Variants in ESRRG observed in about 807,000 individuals in gnomAD.
The protein encoded by ESRRG is estrogen-related receptor gamma.
Under a neutral mutation model 44.0 loss-of-function variants are expected in ESRRG, and 13 were observed. The ratio of observed to expected loss-of-function variants is 0.30; its 90% CI spans 0.19 to 0.47. ESRRG has a LOEUF of 0.47. ESRRG is among the 20% of genes least tolerant of loss of function. The probability of loss-of-function intolerance (pLI) is 1.00; values close to 1 mark genes in which losing one functional copy is unlikely to be tolerated. For missense variants in ESRRG, 395 were observed against 580.6 expected (o/e 0.68, Z 3.29); for synonymous variants, 215 against 214.6 (o/e 1.00, Z -0.02).
intron 5 of ESRRG, among the ~76,000 whole-genome samples, chr1:216,558,991 T>G (rs1004279862): frequency 2.0e-5 from 3 of 152,088 alleles, no homozygotes; most frequent in Admixed American, 2.0e-4. Flanking sequence ...TGCCTCAGCC[T>G]CCTGAGTAAC....
At chr1:216,699,494 G>T (rs1183119334) in intron 1 of ESRRG, among the ~76,000 whole-genome samples, 4 of 152,028 alleles carry the variant, frequency 2.6e-5, no homozygotes, top group African/African-American at 9.7e-5. Flanking sequence ...TGGAGGGCCA[G>T]AAAAAAATGG....
intron 1 of ESRRG, among the ~76,000 whole-genome samples, chr1:216,680,248 T>G (rs1156592323): frequency 6.6e-6 from 1 of 152,190 alleles, no homozygotes; most frequent in Non-Finnish European, 1.5e-5. Flanking sequence ...AAATATTACC[T>G]CATTGAATCC....
Position 216,594,431 on chromosome 1 carries a change from T to C in ESRRG, c.590-26333A>G, listed in dbSNP as rs2058142536. On this transcript the variant is annotated intron_variant, in intron 3 of 6. Transcript: ENST00000408911. ...AAAATGCCTGAGAATATCTATTTGCTCAGTATTGCCATCAGCCCTATTGCA... is the reference window on the plus strand; with the variant it reads ...AAAATGCCTGAGAATATCTATTTGCCCAGTATTGCCATCAGCCCTATTGCA... Among the ~76,000 whole-genome samples, 3 of 152,300 alleles carry C rather than the reference T, an allele frequency of 2.0e-5. No individual in the cohort carries two copies. The South Asian group carries it at 6.2e-4, about 32-fold the overall frequency.
At chr1:216,885,525 GA>G (rs2096502637) in intron 2 of ESRRG, among the ~76,000 whole-genome samples, 1 of 151,564 alleles carries the variant, frequency 6.6e-6, no homozygotes, top group African/African-American at 2.4e-5. Flanking sequence ...TTTTGCTTGG[GA>G]AAAGTCACCC....
chr1:216,822,539 C>T (rs2148634651), intron 2 of ESRRG, among the ~76,000 whole-genome samples: 1 of 152,234 alleles, frequency 6.6e-6, no homozygotes, highest in South Asian at 2.1e-4. Context: ...ATATGTTTCC[C>T]AGTCCTCCTC....
chr1:216,565,026 T>C (rs1176036711), intron 4 of ESRRG, among the ~76,000 whole-genome samples: 1 of 152,160 alleles, frequency 6.6e-6, no homozygotes, highest in African/African-American at 2.4e-5. Flanking sequence ...TCCATAAAAA[T>C]ACTCCTCCTT....
At chr1:216,604,693 G>A (rs2059692194) in intron 3 of ESRRG, among the ~76,000 whole-genome samples, 1 of 152,122 alleles carries the variant, frequency 6.6e-6, no homozygotes, top group African/African-American at 2.4e-5. Context: ...GAATGGGATT[G>A]GGTCACTTTC....
intron 2 of ESRRG, among the ~76,000 whole-genome samples, chr1:216,859,952 G>C (rs894927974): frequency 6.6e-6 from 1 of 152,078 alleles, no homozygotes; most frequent in East Asian, 1.9e-4. Context: ...AGACCCCAAA[G>C]TGACCCAGAT....
intron 1 of ESRRG, among the ~76,000 whole-genome samples, chr1:217,012,372 AC>A (rs2078751071): frequency 6.6e-6 from 1 of 152,166 alleles, no homozygotes; most frequent in African/African-American, 2.4e-5. Context: ...GATCACAGGG[AC>A]CCCAAACTCT....
At chr1:216,671,137 AC>A (rs2075092224) in intron 2 of ESRRG, among the ~76,000 whole-genome samples, 1 of 152,192 alleles carries the variant, frequency 6.6e-6, no homozygotes, top group Admixed American at 6.5e-5. Flanking sequence ...ATATGCTACT[AC>A]TTCAGTGCCT....
chr1:217,023,904 G>A (rs1218216530), intron 1 of ESRRG, among the ~76,000 whole-genome samples: 5 of 152,230 alleles, frequency 3.3e-5, no homozygotes, highest in Non-Finnish European at 7.3e-5. Flanking sequence ...GGCAATGCAT[G>A]AGCAGATGAG....
chr1:216,810,637 T>C (rs894186672), intron 2 of ESRRG, among the ~76,000 whole-genome samples: 1 of 147,946 alleles, frequency 6.8e-6, no homozygotes, highest in African/African-American at 2.5e-5. Context: ...ATATAGTTTA[T>C]ATATAAAATC....
In ESRRG at chr1:216,630,392, A is replaced by C. The variant is rs11572722; in HGVS notation, c.589+20581T>G. ...CCTGCTCATCAAACTCCATTTTGAC[A>C]ATTTTTAAAATTGTTAGTAAGACTA... On this transcript the variant is annotated intron_variant, in intron 3 of 6. Transcript: ENST00000408911. Among the ~76,000 whole-genome samples the C allele has an allele frequency of 4.0e-3, 606 of 151,898 alleles. 8 individuals are homozygous for C. Among genetic ancestry groups the C allele is most frequent in the African/African-American group, 0.014 (563 of 41,390 alleles).
At chr1:216,952,872 T>A (rs1432514425) in intron 1 of ESRRG, among the ~76,000 whole-genome samples, 4 of 152,100 alleles carry the variant, frequency 2.6e-5, no homozygotes, top group African/African-American at 9.7e-5. Flanking sequence ...GAGTCATCAA[T>A]TTTCTACAGA....
At position 216,677,625 on chromosome 1, in the gene ESRRG, A is replaced by G. The variant is rs2076333667; in HGVS notation, c.57-134T>C. On this transcript the variant is annotated intron_variant, in intron 1 of 6. Transcript: ENST00000408911. Reference sequence around the variant, plus strand: ...GGAAAGGTAAAAGGAGGAAAAAAACAGAATTCATATGTTAAAGACATTGCT... The same window carrying G: ...GGAAAGGTAAAAGGAGGAAAAAAACGGAATTCATATGTTAAAGACATTGCT... The G allele has an allele frequency of 4.0e-6, 3 of 757,956 alleles. No homozygotes were observed. In the East Asian group the frequency reaches 8.1e-5, roughly 20 times the overall value. 47.0% of individuals were successfully genotyped at this position (757,956 alleles called of 1,614,324 possible).
chr1:217,069,046 G>T (rs2090187789), intron 1 of ESRRG, among the ~76,000 whole-genome samples: 1 of 152,166 alleles, frequency 6.6e-6, no homozygotes, highest in South Asian at 2.1e-4. Context: ...ATTTATCCTG[G>T]GTGTGTCTAT....
intron 2 of ESRRG, among the ~76,000 whole-genome samples, chr1:216,902,206 C>T (rs1423719647): frequency 2.0e-5 from 3 of 152,120 alleles, no homozygotes; most frequent in African/African-American, 7.2e-5. Flanking sequence ...AAATGAGAAT[C>T]GGCTGGGTGC....
In ESRRG at chr1:216,766,160, G is replaced by T. The variant is rs143814022; in HGVS notation, c.-13-88669C>A. On this transcript the variant is annotated intron_variant, in intron 2 of 7. Coordinates refer to the ESRRG transcript ENST00000359162. ...TGGAAAAACTGGGACAAAGGAACCC[G>T]GTCCTTATTATTATGTTAGTATTAT... Among the ~76,000 whole-genome samples, 249 of 152,112 alleles carry T rather than the reference G, an allele frequency of 1.6e-3. 3 individuals are homozygous for T. Among genetic ancestry groups the T allele is most frequent in the African/African-American group, 5.3e-3 (221 of 41,506 alleles).
At chr1:216,588,321 T>C (rs1229082607) in intron 3 of ESRRG, among the ~76,000 whole-genome samples, 1 of 152,202 alleles carries the variant, frequency 6.6e-6, no homozygotes, top group East Asian at 1.9e-4. Context: ...TTCTGTAACC[T>C]TTTGATTTGC....
Sources: gnomAD v4.1 joint callset for allele counts (sites outside exome capture counted in the v4.1 genomes callset) on GRCh38, gnomAD v4.1.1 for gene constraint, MANE v1.5 for transcripts, NCBI Gene and HGNC (gene_info 2026-07-23, HGNC 2026-07-21) for gene names.